Variants in CCZ1 observed in about 807,000 individuals in gnomAD.
CCZ1 encodes vacuolar fusion protein CCZ1 homolog.
Under a neutral mutation model 57.8 loss-of-function variants are expected in CCZ1, and 19 were observed. That is an observed-to-expected ratio of 0.33 (90% CI 0.23 to 0.48). The LOEUF (loss-of-function observed/expected upper bound fraction) is 0.48, where lower values mean the gene tolerates loss of function less well. CCZ1 is among the 20% of genes least tolerant of loss of function. The pLI, the probability that CCZ1 is intolerant of heterozygous loss-of-function variation, is 0.99. For synonymous variants in CCZ1, 81 were observed against 167.0 expected (o/e 0.49, Z 3.97); for missense variants, 200 against 492.0 (o/e 0.41, Z 5.61).
chr7:5,907,362 G>T (rs1338918632), intron 7 of CCZ1, among the ~76,000 whole-genome samples: 3 of 149,420 alleles, frequency 2.0e-5, no homozygotes, highest in African/African-American at 7.4e-5. Flanking sequence ...ATGACAGGAC[G>T]TGCTTGCAAG....
intron 8 of CCZ1, among the ~76,000 whole-genome samples, chr7:5,910,475 T>A (rs183706959): frequency 1.4e-5 from 2 of 147,590 alleles, no homozygotes; most frequent in African/African-American, 5.0e-5. Context: ...TACAGGTGCC[T>A]GCCACCACGC....
chr7:5,906,323 C>CTTTTTTTT (rs398066572), intron 7 of CCZ1, among the ~76,000 whole-genome samples: 3 of 128,026 alleles, frequency 2.3e-5, no homozygotes, highest in Admixed American at 8.4e-5. Context: ...TTCTTTCTTT[C>CTTTTTTTT]TTTTTTTTTT....
rs2528336 is a variant in CCZ1 at position 5,914,736 on chromosome 7, C to T, written c.954+1782C>T. 1.3e-4 allele frequency among the ~76,000 whole-genome samples: 20 copies of T among 148,436 alleles called. 1 individual carries two copies. Among genetic ancestry groups the T allele is most frequent in the South Asian group, 4.5e-4 (2 of 4,456 alleles). The stretch of plus-strand genomic sequence containing the variant: ...CTAAAAATACAAAAAATCAGCCAGG[C>T]GAGGTGGCACACGCCTCTAATCCCA... On this transcript the variant is annotated intron_variant, in intron 10 of 14. Coordinates refer to ENST00000325974, the MANE Select transcript of CCZ1 (RefSeq NM_015622.6).
At chr7:5,923,647 C>CGCCG (rs1328767131) in intron 13 of CCZ1, 102 bp downstream of exon 13, 4 of 327,448 alleles carry the variant, frequency 1.2e-5, no homozygotes, top group Non-Finnish European at 2.4e-5. Context: ...GCGTGAACCA[C>CGCCG]CTTCATGGGC....
In CCZ1 at chr7:5,902,450, G is replaced by A. The variant is rs780371483; in HGVS notation, c.439-211G>A. On this transcript the variant is annotated intron_variant, in intron 5 of 14. Transcript: ENST00000325974. Reference sequence around the variant, plus strand: ...TTTGAAAGATGCCTAGAGCAATTAGGTGGTTTCATAAATAAGACAGCATCA... The same window carrying A: ...TTTGAAAGATGCCTAGAGCAATTAGATGGTTTCATAAATAAGACAGCATCA... 3.1e-4 allele frequency: 272 copies of A among 881,808 alleles called. 4 individuals carry two copies. Among genetic ancestry groups the A allele is most frequent in the Non-Finnish European group, 3.9e-4 (252 of 653,646 alleles). 54.6% of individuals were successfully genotyped at this position (881,808 alleles called of 1,614,324 possible).
At chr7:5,900,408 G>C in intron 2 of CCZ1, 27 bp downstream of exon 2, 1 of 1,552,410 alleles carries the variant, frequency 6.4e-7, no homozygotes, top group Non-Finnish European at 8.7e-7. Context: ...TGCTTTTAGC[G>C]TTCAGTGAAT....
At chr7:5,901,581 T>C (rs935809941) in intron 4 of CCZ1, 76 bp from the exon 5 acceptor site, 10 of 1,517,630 alleles carry the variant, frequency 6.6e-6, no homozygotes, top group Non-Finnish European at 7.1e-6. Flanking sequence ...CAAGAGTTAG[T>C]GTACCTTTGC....
intron 9 of CCZ1, 110 bp from the exon 10 acceptor site, chr7:5,912,733 C>A: frequency 8.1e-7 from 1 of 1,240,730 alleles, no homozygotes; most frequent in Non-Finnish European, 1.2e-6. Context: ...CCAAATAGCA[C>A]CTGGCATCAA....
chr7:5,901,911 G>A, intron 5 of CCZ1: 1 of 510,156 alleles, frequency 2.0e-6, no homozygotes, highest in Non-Finnish European at 3.4e-6. Flanking sequence ...TCTTTTCTCA[G>A]CCTTATAGTA....
At chr7:5,924,243 G>A (rs571405048) in intron 14 of CCZ1, among the ~76,000 whole-genome samples, 1 of 72,282 alleles carries the variant, frequency 1.4e-5, no homozygotes, top group East Asian at 2.8e-4. Context: ...CCTTTTTTTG[G>A]AGACAGGTTC....
intron 7 of CCZ1, among the ~76,000 whole-genome samples, chr7:5,908,547 T>G (rs1438851750): frequency 6.8e-6 from 1 of 147,330 alleles, no homozygotes; most frequent in African/African-American, 2.5e-5. Context: ...CCTAGCAAAT[T>G]TTTATATTTT....
chr7:5,925,452 G>A, intron 14 of CCZ1, 180 bp from the exon 15 acceptor site: 1 of 577,174 alleles, frequency 1.7e-6, no homozygotes, highest in Admixed American at 3.2e-5. Flanking sequence ...GGGTGACAGA[G>A]CAAGACTCTG....
chr7:5,902,482 A>G (rs1175358876), intron 5 of CCZ1, 179 bp from the exon 6 acceptor site: 2 of 1,157,490 alleles, frequency 1.7e-6, no homozygotes, highest in Non-Finnish European at 2.3e-6. Context: ...ATCACTTAAC[A>G]GTATTTTTTG....
intron 7 of CCZ1, among the ~76,000 whole-genome samples, chr7:5,908,391 T>G (rs1405990325): frequency 6.9e-6 from 1 of 145,976 alleles, no homozygotes; most frequent in Non-Finnish European, 1.5e-5. Context: ...TTTTTTTTTT[T>G]TGAGACTGAG....
Position 5,905,137 on chromosome 7 carries a change from T to C in CCZ1, c.566T>C (p.Ile189Thr). Residue 189 changes from isoleucine (I) to threonine (T), a missense_variant, in exon 7 of 15, where the codon ATT (isoleucine) becomes ACT (threonine). Coordinates refer to ENST00000325974, the MANE Select transcript of CCZ1 (RefSeq NM_015622.6). ...LHLQSCDLLD[I>T]FGGISFFPLD... Reference sequence around the variant, plus strand: ...TTGCAGTCATGTGACCTACTTGACATTTTTGGTGGAATCAGCTTCTTCCCG... The same window carrying C: ...TTGCAGTCATGTGACCTACTTGACACTTTTGGTGGAATCAGCTTCTTCCCG... 2 of 1,595,008 alleles carry C rather than the reference T, an allele frequency of 1.3e-6. No individual in the cohort carries two copies. The highest frequency in any genetic ancestry group is 1.7e-6 in the Non-Finnish European group (2 of 1,177,020).
chr7:5,916,519 T>G (rs1779151102), intron 10 of CCZ1, among the ~76,000 whole-genome samples: 1 of 130,212 alleles, frequency 7.7e-6, no homozygotes, highest in South Asian at 2.4e-4. Context: ...TTTTTTTTTT[T>G]GGTTTTTTGG....
chr7:5,907,204 C>A (rs1781851562), intron 7 of CCZ1, among the ~76,000 whole-genome samples: 1 of 149,650 alleles, frequency 6.7e-6, no homozygotes, highest in South Asian at 2.2e-4. Flanking sequence ...GGCAACCTTA[C>A]ACTGTACTGA....
In CCZ1 at chr7:5,908,498, T is replaced by C. The variant is rs1354011804; in HGVS notation, c.699-1537T>C. Among the ~76,000 whole-genome samples, 3 of 148,162 alleles carry C rather than the reference T, an allele frequency of 2.0e-5. 1 individual carries two copies. The highest frequency in any genetic ancestry group is 4.4e-5 in the Non-Finnish European group (3 of 67,602). ...GGTTCAAGCGATTCTCATGCCTCAG[T>C]CTCCCAAGTAGCTGGGATTAGAGGT... On this transcript the variant is annotated intron_variant, in intron 7 of 14. Coordinates refer to ENST00000325974, the MANE Select transcript of CCZ1 (RefSeq NM_015622.6).
chr7:5,908,031 C>T (rs79556960), intron 7 of CCZ1, among the ~76,000 whole-genome samples: 28,832 of 140,740 alleles, frequency 0.2, 2,899 homozygotes, highest in Admixed American at 0.33. Context: ...TCACTTGAGC[C>T]TGGAAGTTTG....
Sources: gnomAD v4.1 joint callset for allele counts (sites outside exome capture counted in the v4.1 genomes callset) on GRCh38, gnomAD v4.1.1 for gene constraint, MANE v1.5 for transcripts, NCBI Gene and HGNC (gene_info 2026-07-23, HGNC 2026-07-21) for gene names.